Variants in UNC5C observed in about 807,000 individuals in gnomAD.
The protein encoded by UNC5C is unc-5 netrin receptor C.
A neutral mutation model predicts 99.8 loss-of-function variants in UNC5C; 47 were observed. The ratio of observed to expected loss-of-function variants is 0.47; its 90% CI spans 0.37 to 0.60. The LOEUF (loss-of-function observed/expected upper bound fraction) is 0.60, where lower values mean the gene tolerates loss of function less well. UNC5C is among the 20% of genes least tolerant of loss of function. UNC5C has a pLI of 0.00. For synonymous variants in UNC5C, 487 were observed against 452.2 expected, an observed-to-expected ratio of 1.08 and a Z score of -0.98; for missense variants, 1,062 against 1,165.9, an observed-to-expected ratio of 0.91 and a Z score of 1.30.
chr4:95,379,629 C>T (rs1032362997), intron 1 of UNC5C, among the ~76,000 whole-genome samples: 12 of 152,238 alleles, frequency 7.9e-5, no homozygotes, highest in African/African-American at 2.9e-4. Flanking sequence ...GCTTGCCTTC[C>T]GGTCAGAGAA....
At chr4:95,391,831 C>T (rs1002831102) in intron 1 of UNC5C, among the ~76,000 whole-genome samples, 4 of 150,516 alleles carry the variant, frequency 2.7e-5, no homozygotes, top group African/African-American at 7.3e-5. Context: ...AATCCCAGCA[C>T]TTTGGGAGGC....
intron 14 of UNC5C, among the ~76,000 whole-genome samples, chr4:95,173,909 C>T (rs1213391565): frequency 6.6e-6 from 1 of 151,944 alleles, no homozygotes; most frequent in Non-Finnish European, 1.5e-5. Context: ...ATTATTGCCA[C>T]AATTTCAGCT....
chr4:95,305,302 T>G (rs953206057), intron 2 of UNC5C, among the ~76,000 whole-genome samples: 1 of 152,202 alleles, frequency 6.6e-6, no homozygotes, highest in Non-Finnish European at 1.5e-5. Context: ...CTTGGTTACA[T>G]GCCATATTTT....
At chr4:95,266,031 C>T (rs946016990) in intron 4 of UNC5C, among the ~76,000 whole-genome samples, 1 of 152,158 alleles carries the variant, frequency 6.6e-6, no homozygotes, top group Non-Finnish European at 1.5e-5. Context: ...TGATTCAGTG[C>T]CTCTTAGTGT....
chr4:95,231,905 C>T (rs1028512321), intron 7 of UNC5C, among the ~76,000 whole-genome samples: 4 of 152,096 alleles, frequency 2.6e-5, no homozygotes, highest in African/African-American at 7.2e-5. Flanking sequence ...TTAAAAAGAA[C>T]ATTTGCTTAT....
intron 1 of UNC5C, among the ~76,000 whole-genome samples, chr4:95,416,350 C>G (rs964121875): frequency 9.9e-5 from 15 of 151,984 alleles, no homozygotes; most frequent in African/African-American, 3.4e-4. Context: ...TAGTTTAAGA[C>G]AGGTTCATTC....
At chr4:95,304,012 C>A (rs1368386402) in intron 2 of UNC5C, among the ~76,000 whole-genome samples, 1 of 152,058 alleles carries the variant, frequency 6.6e-6, no homozygotes, top group Non-Finnish European at 1.5e-5. Context: ...GGGAAATGAA[C>A]AACTACCCAA....
intron 5 of UNC5C, 70 bp downstream of exon 5, chr4:95,250,417 A>G (rs1739655141): frequency 1.6e-5 from 24 of 1,498,412 alleles, no homozygotes; most frequent in Non-Finnish European, 2.1e-5. Flanking sequence ...AAGGGCTTCT[A>G]GCTTTACCGA....
intron 3 of UNC5C, among the ~76,000 whole-genome samples, chr4:95,289,883 T>C (rs1007655212): frequency 3.9e-5 from 6 of 152,220 alleles, no homozygotes; most frequent in Admixed American, 3.9e-4. Context: ...CCCTGAAATG[T>C]TAGCTATGGT....
intron 1 of UNC5C, among the ~76,000 whole-genome samples, chr4:95,455,309 T>C (rs1747397126): frequency 6.6e-6 from 1 of 152,120 alleles, no homozygotes; most frequent in South Asian, 2.1e-4. Flanking sequence ...GGTTATGTTG[T>C]TCCCTCCCCA....
chr4:95,333,236 A>G lies in UNC5C; in HGVS notation c.346+2174T>C, dbSNP rs559249762. Among the ~76,000 whole-genome samples the G allele has an allele frequency of 4.6e-5, 7 of 152,248 alleles. No individual in the cohort carries two copies. The East Asian group carries it at 1.4e-3, about 29-fold the overall frequency. ...CCATTACTGGGTATATACCCAAAGG[A>G]CTATAAATCATGCTGCTATAAAGAC... On this transcript the variant is annotated intron_variant, in intron 2 of 15. Coordinates refer to ENST00000453304, the MANE Select transcript of UNC5C (RefSeq NM_003728.4).
chr4:95,319,441 G>A lies in UNC5C; in HGVS notation c.346+15969C>T, dbSNP rs184580435. Among the ~76,000 whole-genome samples, 11 of 152,276 alleles carry A rather than the reference G, an allele frequency of 7.2e-5. No individual in the cohort carries two copies. The East Asian group carries it at 1.4e-3, about 19-fold the overall frequency. On this transcript the variant is annotated intron_variant, in intron 2 of 15. Transcript: ENST00000453304. The stretch of plus-strand genomic sequence containing the variant: ...AAATTAGAAATGAGTCCAAGGCTCC[G>A]TCATCAGAATTGCTTTTCATTGCAA...
rs757114910 is a variant in UNC5C, at chr4:95,185,166, C to T, written c.2167G>A (p.Gly723Arg). The T allele has an allele frequency of 6.2e-7, 1 of 1,612,630 alleles. No individual in the cohort carries two copies. ...EILHLERQMG[G>R]QLLEEPKALH... Reference sequence around the variant, plus strand: ...GCCTTAGGTTCTTCTAGGAGCTGTCCTCCCATCTGTCTCTCAAGATGTAAA... The same window carrying T: ...GCCTTAGGTTCTTCTAGGAGCTGTCTTCCCATCTGTCTCTCAAGATGTAAA... The change falls in exon 13 of 16, where the codon GGA becomes AGA. Residue 723 changes from glycine (G) to arginine (R), a missense_variant. Around this residue, in one of 3 missense-constraint regions of UNC5C, gnomAD observed 810 missense variants for 854.5 expected, o/e 0.95. Coordinates refer to ENST00000453304, the MANE Select transcript of UNC5C (RefSeq NM_003728.4).
intron 2 of UNC5C, among the ~76,000 whole-genome samples, chr4:95,322,768 G>A (rs1027863543): frequency 7.9e-5 from 12 of 151,442 alleles, no homozygotes; most frequent in Admixed American, 1.3e-4. Flanking sequence ...GTGAAATGCC[G>A]TCCCTACCAA....
intron 1 of UNC5C, among the ~76,000 whole-genome samples, chr4:95,366,582 G>A (rs1348951840): frequency 6.6e-6 from 1 of 152,164 alleles, no homozygotes; most frequent in Non-Finnish European, 1.5e-5. Context: ...TAGTCATGAA[G>A]TTGATTGTAA....
chr4:95,169,485 G>A, intron 15 of UNC5C, 86 bp from the exon 16 acceptor site: 1 of 1,465,632 alleles, frequency 6.8e-7, no homozygotes, highest in Admixed American at 1.9e-5. Flanking sequence ...CTCTCTACTT[G>A]TCTTTAAGTT....
In UNC5C at chr4:95,187,713, G is replaced by C. The variant is rs181574128; in HGVS notation, c.2137-2517C>G. Among the ~76,000 whole-genome samples the C allele has an allele frequency of 2.2e-3, 337 of 152,294 alleles. 9 individuals carry two copies. Among genetic ancestry groups the C allele is most frequent in the Admixed American group, 0.02 (301 of 15,304 alleles). ...AAAAAGCCTAGACTGGCTTGGAGGA[G>C]CCCTTTTTTGGATAGAAAGTACCAA... On this transcript the variant is annotated intron_variant, in intron 12 of 15. Coordinates refer to ENST00000453304, the MANE Select transcript of UNC5C (RefSeq NM_003728.4).
At chr4:95,523,616 T>G (rs1038916848) in intron 1 of UNC5C, among the ~76,000 whole-genome samples, 6 of 152,106 alleles carry the variant, frequency 3.9e-5, no homozygotes, top group African/African-American at 1.2e-4. Context: ...TTTCAAAAAA[T>G]TATTCTGCTA....
intron 1 of UNC5C, among the ~76,000 whole-genome samples, chr4:95,380,178 TCTTA>T (rs542565461): frequency 2.6e-3 from 393 of 152,274 alleles, no homozygotes; most frequent in African/African-American, 9.0e-3. Context: ...TTTCTCATGC[TCTTA>T]CTTTTGTTTT....
Sources: allele counts gnomAD v4.1 joint callset (sites outside exome capture counted in the v4.1 genomes callset), GRCh38; gene constraint gnomAD v4.1.1; regional missense constraint gnomAD v4.1.1; transcripts MANE v1.5; gene names NCBI Gene and HGNC (gene_info 2026-07-23, HGNC 2026-07-21).